Variants in C7orf78 observed in about 807,000 individuals in gnomAD.
C7orf78 encodes chromosome 7 open reading frame 78.
At chr7:12,484,758 A>G in the C7orf78 span, among the ~76,000 whole-genome samples, 5 of 152,290 alleles carry the variant, frequency 3.3e-5, no homozygotes, top group Admixed American at 2.6e-4. Flanking sequence ...TTATTAGTAC[A>G]GCATTCTAAA....
chr7:12,497,490 TC>T, the C7orf78 span, among the ~76,000 whole-genome samples: 1 of 151,734 alleles, frequency 6.6e-6, no homozygotes, highest in Non-Finnish European at 1.5e-5. Flanking sequence ...ATCGGGAAAA[TC>T]GGGTCACTCC....
the C7orf78 span, among the ~76,000 whole-genome samples, chr7:12,519,447 G>A: frequency 2.6e-5 from 4 of 152,116 alleles, no homozygotes; most frequent in Non-Finnish European, 5.9e-5. Flanking sequence ...CTGCCAGCAG[G>A]GTTGTGGTCA....
chr7:12,515,662 C>T, the C7orf78 span, among the ~76,000 whole-genome samples: 15 of 152,096 alleles, frequency 9.9e-5, no homozygotes, highest in African/African-American at 3.6e-4. Context: ...GATCAAAAGC[C>T]TGATAGTGAT....
At chr7:12,526,121 G>A in the C7orf78 span, among the ~76,000 whole-genome samples, 1 of 152,004 alleles carries the variant, frequency 6.6e-6, no homozygotes, top group African/African-American at 2.4e-5. Context: ...GTAAATCAAT[G>A]TCTCATGTAT....
chr7:12,514,275 A>G, the C7orf78 span, among the ~76,000 whole-genome samples: 2 of 152,006 alleles, frequency 1.3e-5, no homozygotes, highest in South Asian at 4.1e-4. Context: ...CTCTTGCTGA[A>G]CTAATTCCCC....
At chr7:12,496,951 C>G in the C7orf78 span, among the ~76,000 whole-genome samples, 1 of 152,090 alleles carries the variant, frequency 6.6e-6, no homozygotes, top group African/African-American at 2.4e-5. Flanking sequence ...AAAATTTTGG[C>G]TTCTTAGTTT....
At chr7:12,498,376 G>C in the C7orf78 span, among the ~76,000 whole-genome samples, 1 of 150,896 alleles carries the variant, frequency 6.6e-6, no homozygotes, top group South Asian at 2.1e-4. Context: ...AACCAATACA[G>C]AGAAGTGCTT....
chr7:12,511,821 A>C, the C7orf78 span, among the ~76,000 whole-genome samples: 5 of 151,096 alleles, frequency 3.3e-5, no homozygotes, highest in African/African-American at 1.2e-4. Context: ...GCACGATCTC[A>C]GCTCACTGCA....
the C7orf78 span, among the ~76,000 whole-genome samples, chr7:12,522,220 C>T: frequency 1.3e-5 from 2 of 152,012 alleles, no homozygotes; most frequent in African/African-American, 4.8e-5. Flanking sequence ...TCCCAGGAAC[C>T]AGCATTGTTG....
At chr7:12,497,639 C>T in the C7orf78 span, among the ~76,000 whole-genome samples, 4 of 152,072 alleles carry the variant, frequency 2.6e-5, no homozygotes, top group Non-Finnish European at 5.9e-5. Flanking sequence ...AACTGCAAGG[C>T]GGCAGCGAGG....
the C7orf78 span, among the ~76,000 whole-genome samples, chr7:12,514,918 TTC>T: frequency 6.6e-6 from 1 of 152,352 alleles, no homozygotes; most frequent in African/African-American, 2.4e-5. Flanking sequence ...ATAGGATTTT[TTC>T]TTTTAGCACT....
chr7:12,501,051 C>T, the C7orf78 span, among the ~76,000 whole-genome samples: 1 of 151,268 alleles, frequency 6.6e-6, no homozygotes, highest in African/African-American at 2.4e-5. Flanking sequence ...TAAAAACTCT[C>T]AATAAATTAG....
At chr7:12,533,847 C>T in the C7orf78 span, among the ~76,000 whole-genome samples, 1 of 152,130 alleles carries the variant, frequency 6.6e-6, no homozygotes. Flanking sequence ...ATAGTGGTTA[C>T]AGAAAATCAT....
chr7:12,495,638 A>G, the C7orf78 span, among the ~76,000 whole-genome samples: 8 of 152,326 alleles, frequency 5.3e-5, no homozygotes, highest in African/African-American at 1.9e-4. Context: ...TTTCCAAGTA[A>G]AGAAAGTCTC....
At chr7:12,533,509 T>C in the C7orf78 span, among the ~76,000 whole-genome samples, 1 of 135,812 alleles carries the variant, frequency 7.4e-6, no homozygotes. Flanking sequence ...CCACCAAAGG[T>C]TTCTTTTTTT....
At chr7:12,539,867 G>A in the C7orf78 span, among the ~76,000 whole-genome samples, 2 of 152,222 alleles carry the variant, frequency 1.3e-5, no homozygotes, top group African/African-American at 4.8e-5. Context: ...CATGATGAAT[G>A]AGGGCTCCAG....
At chr7:12,527,304 T>C in the C7orf78 span, among the ~76,000 whole-genome samples, 9,550 of 54,438 alleles carry the variant, frequency 0.18, 177 homozygotes, top group African/African-American at 0.31. Context: ...GAAAATGCCA[T>C]CTAGCTGTGT....
the C7orf78 span, among the ~76,000 whole-genome samples, chr7:12,532,251 A>C: frequency 2.0e-5 from 3 of 152,158 alleles, no homozygotes; most frequent in Non-Finnish European, 2.9e-5. Flanking sequence ...GCTGCTTTTC[A>C]TTAAAAAGAA....
At chr7:12,537,512 G>A in the C7orf78 span, among the ~76,000 whole-genome samples, 1 of 152,126 alleles carries the variant, frequency 6.6e-6, no homozygotes, top group Non-Finnish European at 1.5e-5. Flanking sequence ...CCTATACACT[G>A]CTTGAGGGGG....
Sources: gnomAD v4.1 joint callset for allele counts (sites outside exome capture counted in the v4.1 genomes callset) on GRCh38, gnomAD v4.1.1 for gene constraint, MANE v1.5 for transcripts, NCBI Gene and HGNC (gene_info 2026-07-23, HGNC 2026-07-21) for gene names.